The following FBN3 variants were observed in gnomAD, a reference collection of about 807,000 sequenced individuals.
The protein encoded by FBN3 is fibrillin 3.
FBN3 carries 234 observed loss-of-function variants against 330.1 expected under a neutral mutation model. The observed-to-expected ratio is 0.71, with a 90% CI of 0.64 to 0.79. The LOEUF (loss-of-function observed/expected upper bound fraction) is 0.79, where lower values mean the gene tolerates loss of function less well. FBN3 is among the 30% of genes least tolerant of loss of function. The pLI is 0.00. For missense variants in FBN3, 3,606 were observed against 3,886.9 expected (o/e 0.93, Z 1.92); for synonymous variants, 1,458 against 1,517.3 (o/e 0.96, Z 0.91).
chr19:8,115,438 G>A (rs1023670400), intron 30 of FBN3, 77 bp downstream of exon 30: 2 of 1,526,008 alleles, frequency 1.3e-6, no homozygotes, highest in African/African-American at 2.7e-5. Context: ...CTGCCCTGGG[G>A]GATGGAAACA....
At chr19:8,136,700 C>T (rs2083288888) in intron 10 of FBN3, among the ~76,000 whole-genome samples, 169 bp from the exon 11 acceptor site, 1 of 152,200 alleles carries the variant, frequency 6.6e-6, no homozygotes, top group Non-Finnish European at 1.5e-5. Context: ...TTCAGAACTC[C>T]AACCTGGGAT....
At position 8,123,794 on chromosome 19, in the gene FBN3, T is replaced by C. The variant is rs181405897; in HGVS notation, c.2946A>G (p.Pro982=). 1 of 1,613,126 alleles carries C rather than the reference T, an allele frequency of 6.2e-7. No homozygotes were observed. Among genetic ancestry groups the C allele is most frequent in the Non-Finnish European group, 8.5e-7 (1 of 1,179,910 alleles). ...FASRDFLSGR[P]FYKDVNECKV... is the part of the protein sequence containing the mutation. ...CTTCCCCAACCGCACCTTTATAGAA[T>C]GGTCGGCCAGACAGGAAGTCCCGGC... Residue 982 remains proline (P), a synonymous_variant, in exon 23 of 64, where the codon CCA becomes CCG. Transcript: ENST00000600128.
intron 57 of FBN3, among the ~76,000 whole-genome samples, chr19:8,082,607 C>T (rs968274490): frequency 1.9e-4 from 29 of 152,008 alleles, no homozygotes; most frequent in African/African-American, 6.8e-4. Context: ...GATTCTCCTG[C>T]CTCAGCCTCC....
intron 48 of FBN3, 28 bp downstream of exon 48, chr19:8,091,437 C>A (rs557924488): frequency 6.2e-7 from 1 of 1,612,394 alleles, no homozygotes; most frequent in Non-Finnish European, 8.5e-7. Context: ...ACTTCCCACC[C>A]TCTTCCCTAA....
At chr19:8,148,679 G>A (rs1231347895) in intron 1 of FBN3, 1 of 152,248 alleles carries the variant, frequency 6.6e-6, no homozygotes, top group African/African-American at 2.4e-5. Flanking sequence ...GAAAGGAACC[G>A]GCCCTAGGTG....
rs996669792 is a variant in FBN3, at chr19:8,121,546, G to C, written c.3083-160C>G. 6.6e-6 allele frequency among the ~76,000 whole-genome samples: 1 copy of C among 152,144 alleles called. No individual in the cohort carries two copies. The highest frequency in any genetic ancestry group is 2.4e-5 in the African/African-American group (1 of 41,442). On this transcript the variant is annotated intron_variant, in intron 24 of 63. Coordinates refer to ENST00000600128, the MANE Select transcript of FBN3 (RefSeq NM_032447.5). The surrounding 1 kb of genome is among the most constrained non-coding windows in gnomAD (Gnocchi z 4.5). Reference sequence around the variant, plus strand: ...AAGAGGGGAGGCATGATGCAGGCATGATGGGGTGCCGTATGGGGTCATCGA... The same window carrying C: ...AAGAGGGGAGGCATGATGCAGGCATCATGGGGTGCCGTATGGGGTCATCGA...
intron 57 of FBN3, among the ~76,000 whole-genome samples, chr19:8,082,125 A>T (rs1049246298): frequency 2.6e-5 from 3 of 114,346 alleles, no homozygotes; most frequent in Non-Finnish European, 5.9e-5. Flanking sequence ...CACCTGGCTA[A>T]TTTTTTTTCT....
intron 21 of FBN3, 79 bp from the exon 22 acceptor site, chr19:8,126,096 T>G: frequency 6.3e-7 from 1 of 1,590,748 alleles, no homozygotes. Flanking sequence ...GGTCTCAAGT[T>G]GTCCTTGAGG....
rs764135306 is a variant in FBN3 at position 8,147,224 on chromosome 19, C to T, written c.168-38G>A. The T allele has an allele frequency of 4.5e-6, 7 of 1,557,534 alleles. No individual in the cohort carries two copies. In the South Asian group the frequency reaches 8.3e-5, roughly 18 times the overall value. ...CGAGATGGGTCTGGTGAGCCCCTGC[C>T]CGTGTGGACATCCCCCCGGGTATTC... On this transcript the variant is annotated intron_variant, in intron 2 of 63. Transcript: ENST00000600128.
chr19:8,096,173 C>T lies in FBN3; in HGVS notation c.5540-93G>A. ...GCCAGCTGGACCTAGCACTCCTCCC[C>T]TGCACCTAGCCCTGCCTAGATGACT... is the stretch of plus-strand genomic sequence containing the variant. On this transcript the variant is annotated intron_variant, in intron 44 of 63. Coordinates refer to ENST00000600128, the MANE Select transcript of FBN3 (RefSeq NM_032447.5). This position sits in a 1 kb window ranked among gnomAD's most constrained non-coding sequence, Gnocchi z 4.6. The T allele has an allele frequency of 1.0e-6, 1 of 997,406 alleles. No homozygotes were observed. The highest frequency in any genetic ancestry group is 1.3e-5 in the South Asian group (1 of 76,172). 61.8% of individuals were successfully genotyped at this position (997,406 alleles called of 1,614,324 possible).
chr19:8,116,684 C>A lies in FBN3; in HGVS notation c.3702G>T (p.Arg1234Ser), dbSNP rs2082712364. ...GTCCCGGCTCCTCACCAACACATGT[C>A]CTCATGTCTGGCGTGGCCATGAAGC... ...YDGFMATPDM[R>S]TCVDVDECDL... The change falls in exon 29 of 64, where the codon AGG (arginine) becomes AGT (serine). Residue 1234 changes from arginine (R) to serine (S), a missense_variant. Physicochemically the swap from Arg to Ser is moderately radical, Grantham distance 110. Transcript: ENST00000600128. 1 of 1,611,506 alleles carries A rather than the reference C, an allele frequency of 6.2e-7. No individual in the cohort carries two copies. Among genetic ancestry groups the A allele is most frequent in the South Asian group, 1.1e-5 (1 of 91,030 alleles).
At position 8,131,335 on chromosome 19, in the gene FBN3, G is replaced by A. The variant is rs373075513; in HGVS notation, c.1991-47C>T. On this transcript the variant is annotated intron_variant, in intron 15 of 63. Transcript: ENST00000600128. The surrounding 1 kb of genome is among the most constrained non-coding windows in gnomAD (Gnocchi z 4.5). ...GAGACGGGTCAGGGAGCTTAGCCAT[G>A]GCTCGGATTCAGCCACAGGCAAGGA... The A allele has an allele frequency of 3.1e-6, 5 of 1,598,936 alleles. No homozygotes were observed. The highest frequency in any genetic ancestry group is 2.6e-6 in the Non-Finnish European group (3 of 1,170,600).
intron 24 of FBN3, 115 bp downstream of exon 24, chr19:8,123,349 C>T (rs1029264526): frequency 1.6e-5 from 19 of 1,176,202 alleles, no homozygotes; most frequent in South Asian, 6.2e-5. Context: ...AGTAAAACTC[C>T]GTCTCGAAAA....
chr19:8,147,155 A>T lies in FBN3; in HGVS notation c.199T>A (p.Tyr67Asn). The change falls in exon 3 of 64, where the codon TAC (tyrosine) becomes AAC (asparagine). Residue 67 changes from tyrosine to asparagine, a missense_variant. By Grantham distance (143) the Tyr-to-Asn change is moderately radical. Coordinates refer to ENST00000600128, the MANE Select transcript of FBN3 (RefSeq NM_032447.5). The part of the protein sequence containing the change: ...PNVCGSRFHA[Y>N]CCPGWRTFPG... Reference sequence around the variant, plus strand: ...AATGTCCTCCAGCCTGGACAGCAGTAGGCATGGAACCGGGAGCCGCACACA... The same window carrying T: ...AATGTCCTCCAGCCTGGACAGCAGTTGGCATGGAACCGGGAGCCGCACACA... The T allele has an allele frequency of 6.4e-7, 1 of 1,573,456 alleles. No individual in the cohort carries two copies. The highest frequency in any genetic ancestry group is 2.3e-5 in the East Asian group (1 of 42,804).
chr19:8,081,094 C>T lies in FBN3; in HGVS notation c.7362G>A (p.Gln2454=). ...CKDLDECTSR[Q]HNCQFLCVNT... ...TGACACAGAGGAACTGACAGTTGTG[C>T]TGCCGGGAGGTGCATTCGTCCAGGT... The change falls in exon 59 of 64, where the codon CAG becomes CAA. Residue 2454 remains glutamine (Q), a synonymous_variant. Transcript: ENST00000600128. The T allele has an allele frequency of 6.2e-7, 1 of 1,613,770 alleles. No individual in the cohort carries two copies. Among genetic ancestry groups the T allele is most frequent in the Non-Finnish European group, 8.5e-7 (1 of 1,179,992 alleles).
chr19:8,148,261 T>C (rs8111202), intron 1 of FBN3, among the ~76,000 whole-genome samples: 3,509 of 152,044 alleles, frequency 0.023, 123 homozygotes, highest in African/African-American at 0.075. Context: ...ACATCACACC[T>C]CCTCCAGGAA....
chr19:8,137,809 GT>G (rs2083322398), intron 10 of FBN3, among the ~76,000 whole-genome samples: 1 of 151,958 alleles, frequency 6.6e-6, no homozygotes, highest in South Asian at 2.1e-4. Context: ...TCAATTTGCT[GT>G]AGAGACAGGG....
At chr19:8,089,323 A>C (rs184563174) in intron 51 of FBN3, among the ~76,000 whole-genome samples, 1 of 152,194 alleles carries the variant, frequency 6.6e-6, no homozygotes, top group African/African-American at 2.4e-5. Flanking sequence ...GTGAATGAGT[A>C]AATGAATAAG....
chr19:8,117,699 T>C (rs1309910165), intron 26 of FBN3, 110 bp from the exon 27 acceptor site: 1 of 1,273,428 alleles, frequency 7.9e-7, no homozygotes, highest in Non-Finnish European at 1.1e-6. Flanking sequence ...ACTGCCAGCA[T>C]TGGCACAGCC....
Sources: gnomAD v4.1 joint callset for allele counts (sites outside exome capture counted in the v4.1 genomes callset) on GRCh38, gnomAD v4.1.1 for gene constraint, Gnocchi (gnomAD v3.1) non-coding constraint, MANE v1.5 for transcripts, NCBI Gene and HGNC (gene_info 2026-07-23, HGNC 2026-07-21) for gene names.